Variants in RNF220 observed in about 807,000 individuals in gnomAD.
The protein encoded by RNF220 is ring finger protein 220, also known as E3 ubiquitin-protein ligase RNF220.
In RNF220, 7 loss-of-function variants were observed where a neutral mutation model predicts 67.1. That is an observed-to-expected ratio of 0.10 (90% CI 0.06 to 0.20). The LOEUF is 0.20. RNF220 is among the 10% of genes least tolerant of loss of function. The pLI is 1.00. For missense variants in RNF220, 565 were observed against 740.3 expected (o/e 0.76, Z 2.75); for synonymous variants, 270 against 283.2 (o/e 0.95, Z 0.47).
intron 2 of RNF220, among the ~76,000 whole-genome samples, chr1:44,585,058 A>G (rs1269057183): frequency 6.6e-6 from 1 of 152,212 alleles, no homozygotes; most frequent in African/African-American, 2.4e-5. Context: ...AGGGAAAGGC[A>G]GAGGAGAGAA....
At chr1:44,526,089 CT>C in intron 2 of RNF220, among the ~76,000 whole-genome samples, 1 of 152,190 alleles carries the variant, frequency 6.6e-6, no homozygotes, top group East Asian at 1.9e-4. Context: ...TTTCCTCACC[CT>C]TTTGCCTTTC....
chr1:44,419,003 A>C (rs1158424357), intron 2 of RNF220, among the ~76,000 whole-genome samples: 1 of 152,206 alleles, frequency 6.6e-6, no homozygotes, highest in Non-Finnish European at 1.5e-5. Flanking sequence ...GTGATGGTAC[A>C]TTGCATTGTA....
chr1:44,499,431 C>G (rs1657630759), intron 2 of RNF220, among the ~76,000 whole-genome samples: 1 of 152,128 alleles, frequency 6.6e-6, no homozygotes. Flanking sequence ...ATCCAACAGC[C>G]AGTCCTCAGT....
intron 2 of RNF220, among the ~76,000 whole-genome samples, chr1:44,585,971 G>T (rs1026740208): frequency 2.6e-5 from 4 of 152,120 alleles, no homozygotes; most frequent in African/African-American, 9.7e-5. Flanking sequence ...TTCACTCTCT[G>T]TTGTCATCAG....
intron 2 of RNF220, among the ~76,000 whole-genome samples, chr1:44,497,122 C>T (rs1331314587): frequency 6.6e-6 from 1 of 152,182 alleles, no homozygotes; most frequent in Non-Finnish European, 1.5e-5. Flanking sequence ...GCAACGGTTA[C>T]ACTAGTGTCC....
chr1:44,570,165 G>A (rs571761609), intron 2 of RNF220, among the ~76,000 whole-genome samples: 1 of 152,208 alleles, frequency 6.6e-6, no homozygotes, highest in African/African-American at 2.4e-5. Context: ...TGTCACTGCT[G>A]TAGTGCCTGT....
chr1:44,618,711 G>A (rs773150547), intron 3 of RNF220, among the ~76,000 whole-genome samples: 1 of 152,154 alleles, frequency 6.6e-6, no homozygotes, highest in Non-Finnish European at 1.5e-5. Context: ...GGAGGGGCAT[G>A]GTTGCAAGGC....
chr1:44,429,043 A>G (rs1351850144), intron 2 of RNF220, among the ~76,000 whole-genome samples: 1 of 152,076 alleles, frequency 6.6e-6, no homozygotes, highest in Non-Finnish European at 1.5e-5. Flanking sequence ...CATTTTCCCC[A>G]AAACTGTCTT....
At chr1:44,453,523 A>T (rs1046708357) in intron 2 of RNF220, among the ~76,000 whole-genome samples, 6 of 151,966 alleles carry the variant, frequency 3.9e-5, no homozygotes, top group African/African-American at 1.2e-4. Flanking sequence ...TGGATATTAA[A>T]ATATATATAA....
intron 2 of RNF220, among the ~76,000 whole-genome samples, chr1:44,596,841 T>A (rs1173916288): frequency 6.6e-6 from 1 of 152,108 alleles, no homozygotes; most frequent in Admixed American, 6.5e-5. Flanking sequence ...CTATGAGGAG[T>A]TTGCCCAAGA....
At chr1:44,613,949 A>G (rs189562585) in intron 2 of RNF220, among the ~76,000 whole-genome samples, 1 of 152,294 alleles carries the variant, frequency 6.6e-6, no homozygotes, top group East Asian at 1.9e-4. Flanking sequence ...TAGATTTCTG[A>G]GAGGGGTGGC....
At chr1:44,577,221 A>G (rs1307377077) in intron 2 of RNF220, among the ~76,000 whole-genome samples, 2 of 152,144 alleles carry the variant, frequency 1.3e-5, no homozygotes, top group African/African-American at 4.8e-5. Flanking sequence ...TTCACATCCA[A>G]GCCATCTTCG....
chr1:44,498,770 G>A (rs944527301), intron 2 of RNF220, among the ~76,000 whole-genome samples: 10 of 152,042 alleles, frequency 6.6e-5, no homozygotes, highest in East Asian at 1.9e-4. Flanking sequence ...TTTCTGATTC[G>A]GTAGGTCTAG....
rs930891102 is a variant in RNF220, at chr1:44,649,989, G to C, written c.1629+32G>C. On this transcript the variant is annotated intron_variant, in intron 14 of 14. Transcript: ENST00000361799. The surrounding 1 kb of genome is among the most constrained non-coding windows in gnomAD (Gnocchi z 5.9). ...TGGCATGGGGGTCGGGGAATGGGAG[G>C]CCGCTCCGGGCACTGCCCAGATGTC... The C allele has an allele frequency of 1.7e-5, 28 of 1,604,928 alleles. No individual in the cohort carries two copies. Among genetic ancestry groups the C allele is most frequent in the Non-Finnish European group, 2.4e-5 (28 of 1,175,172 alleles).
rs548608736 is a variant in RNF220, at chr1:44,428,420, T to G, written c.625+15698T>G. On this transcript the variant is annotated intron_variant, in intron 2 of 14. Transcript: ENST00000361799. ...GCAGGCTGCTTTATTTTTCCAATTT[T>G]CTAATAACTTACATAATGCTTAAGA... Among the ~76,000 whole-genome samples the G allele has an allele frequency of 4.6e-5, 7 of 152,180 alleles. No individual in the cohort carries two copies. The South Asian group carries it at 1.2e-3, about 27-fold the overall frequency.
intron 2 of RNF220, among the ~76,000 whole-genome samples, chr1:44,487,838 C>T (rs1656455375): frequency 6.7e-6 from 1 of 150,294 alleles, no homozygotes; most frequent in African/African-American, 2.4e-5. Context: ...CGAGATTGCA[C>T]CACTGCACTC....
intron 2 of RNF220, among the ~76,000 whole-genome samples, chr1:44,613,922 T>TA (rs1557438532): frequency 6.6e-6 from 1 of 151,988 alleles, no homozygotes; most frequent in African/African-American, 2.4e-5. Flanking sequence ...AGACATCCCA[T>TA]GGGGGATGTG....
At chr1:44,439,695 C>T (rs150524728) in intron 2 of RNF220, among the ~76,000 whole-genome samples, 19 of 152,120 alleles carry the variant, frequency 1.2e-4, no homozygotes, top group African/African-American at 4.1e-4. Flanking sequence ...AAGGCCACTT[C>T]TAATGAATCC....
rs562457293 is a variant in RNF220, at chr1:44,539,238, A to T, written c.626-74927A>T. Among the ~76,000 whole-genome samples, 8 of 152,076 alleles carry T rather than the reference A, an allele frequency of 5.3e-5. No individual in the cohort carries two copies. In the South Asian group the frequency reaches 1.3e-3, roughly 24 times the overall value. ...TCCATCTCTAAATAAATAAATAAAT[A>T]AATAAAGTTCTATTCCTATGGTTCG... On this transcript the variant is annotated intron_variant, in intron 2 of 14. Transcript: ENST00000361799.
Sources: allele counts gnomAD v4.1 joint callset (sites outside exome capture counted in the v4.1 genomes callset), GRCh38; gene constraint gnomAD v4.1.1; non-coding constraint Gnocchi (gnomAD v3.1); transcripts MANE v1.5; gene names NCBI Gene and HGNC (gene_info 2026-07-23, HGNC 2026-07-21).